Variants in MEDAG observed in about 807,000 individuals in gnomAD.
MEDAG encodes mesenteric estrogen dependent adipogenesis.
Under a neutral mutation model 29.9 loss-of-function variants are expected in MEDAG, and 25 were observed. The ratio of observed to expected loss-of-function variants is 0.84; its 90% CI spans 0.61 to 1.17. The LOEUF (loss-of-function observed/expected upper bound fraction) is 1.17. Among genes scored for constraint, MEDAG ranks in the 50% most tolerant of loss-of-function variants. The pLI is 0.00. For synonymous variants in MEDAG, 158 were observed against 148.2 expected, an observed-to-expected ratio of 1.07 and a Z score of -0.48; for missense variants, 398 against 372.9, an observed-to-expected ratio of 1.07 and a Z score of -0.56.
chr13:30,923,786 C>T (rs1953013015), intron 4 of MEDAG, among the ~76,000 whole-genome samples: 1 of 152,196 alleles, frequency 6.6e-6, no homozygotes, highest in African/African-American at 2.4e-5. Flanking sequence ...CACTGAGGAA[C>T]ATTTGAAGTT....
chr13:30,918,588 C>T (rs745831308), intron 2 of MEDAG, among the ~76,000 whole-genome samples: 3 of 152,180 alleles, frequency 2.0e-5, no homozygotes, highest in South Asian at 2.1e-4. Context: ...TTTTGCCTTC[C>T]TCCTCCTGCT....
intron 4 of MEDAG, 64 bp downstream of exon 4, chr13:30,921,910 GGAA>G (rs1487673424): frequency 6.1e-6 from 9 of 1,478,346 alleles, no homozygotes; most frequent in Non-Finnish European, 8.2e-6. Flanking sequence ...GTAAAATAAT[GGAA>G]GAGAGTCAAT....
At chr13:30,910,885 C>T (rs1422111694) in intron 1 of MEDAG, among the ~76,000 whole-genome samples, 1 of 152,222 alleles carries the variant, frequency 6.6e-6, no homozygotes, top group East Asian at 1.9e-4. Context: ...CTGGCCCAGG[C>T]CCAGTTCTCA....
In MEDAG at chr13:30,917,475, C is replaced by A. The variant is rs755243659; in HGVS notation, c.351C>A (p.Phe117Leu). ...RETILSKPML[F>L]FINVQTKKDT... is the part of the protein sequence containing the mutation. Reference sequence around the variant, plus strand: ...CTATATTGAGCAAACCAATGTTGTTCTTTATTAATGTACAGACCAAAAAAG... The same window carrying A: ...CTATATTGAGCAAACCAATGTTGTTATTTATTAATGTACAGACCAAAAAAG... The change falls in exon 2 of 5, where the codon TTC becomes TTA. Residue 117 changes from phenylalanine (F) to leucine (L), a missense_variant. By Grantham distance (22) the Phe-to-Leu change is conservative. Transcript: ENST00000380482. The A allele has an allele frequency of 1.2e-6, 2 of 1,610,512 alleles. No homozygotes were observed. The highest frequency in any genetic ancestry group is 2.2e-5 in the East Asian group (1 of 44,870).
At chr13:30,918,076 G>A (rs1206386620) in intron 2 of MEDAG, among the ~76,000 whole-genome samples, 1 of 152,068 alleles carries the variant, frequency 6.6e-6, no homozygotes, top group African/African-American at 2.4e-5. Context: ...ATGATCCTAG[G>A]GCAGAAGCCA....
At chr13:30,923,728 C>T (rs1953012430) in intron 4 of MEDAG, among the ~76,000 whole-genome samples, 1 of 152,206 alleles carries the variant, frequency 6.6e-6, no homozygotes, top group Non-Finnish European at 1.5e-5. Context: ...CACCATGGCT[C>T]ACCCTCTGTC....
intron 1 of MEDAG, among the ~76,000 whole-genome samples, chr13:30,908,194 A>G (rs1190559241): frequency 1.3e-5 from 2 of 152,224 alleles, no homozygotes; most frequent in Admixed American, 6.5e-5. Context: ...TTTGCTTTGA[A>G]CACCTCCTAC....
At chr13:30,911,681 A>C (rs1312453015) in intron 1 of MEDAG, among the ~76,000 whole-genome samples, 1 of 152,174 alleles carries the variant, frequency 6.6e-6, no homozygotes, top group Non-Finnish European at 1.5e-5. Flanking sequence ...TGGAGCCTGG[A>C]CACGTGAATA....
At chr13:30,917,870 A>G (rs139007786) in intron 2 of MEDAG, among the ~76,000 whole-genome samples, 17 of 152,324 alleles carry the variant, frequency 1.1e-4, no homozygotes, top group African/African-American at 3.8e-4. Context: ...GTTTGACATG[A>G]GATTTGGGCA....
intron 1 of MEDAG, among the ~76,000 whole-genome samples, chr13:30,910,967 A>G (rs1377344519): frequency 2.6e-5 from 4 of 152,260 alleles, no homozygotes; most frequent in African/African-American, 9.6e-5. Flanking sequence ...TTAGGACAGC[A>G]GCCCCTTAGC....
At chr13:30,910,940 T>C (rs1383463255) in intron 1 of MEDAG, among the ~76,000 whole-genome samples, 1 of 152,226 alleles carries the variant, frequency 6.6e-6, no homozygotes, top group Non-Finnish European at 1.5e-5. Context: ...GATGTGGTCT[T>C]AGATGTAGCA....
chr13:30,917,591 T>C (rs1217044467), intron 2 of MEDAG, 79 bp downstream of exon 2: 4 of 815,274 alleles, frequency 4.9e-6, no homozygotes, highest in African/African-American at 1.7e-5. Context: ...GAAAAGAGGT[T>C]TAATTGGCTC....
intron 1 of MEDAG, among the ~76,000 whole-genome samples, chr13:30,914,458 C>G (rs1188300554): frequency 6.6e-6 from 1 of 152,122 alleles, no homozygotes. Context: ...AGGTTTACAG[C>G]CTGGTTAAGG....
At chr13:30,912,506 AACAC>A (rs67281071) in intron 1 of MEDAG, among the ~76,000 whole-genome samples, 13 of 150,562 alleles carry the variant, frequency 8.6e-5, no homozygotes, top group Non-Finnish European at 1.2e-4. Flanking sequence ...TTTTTTAATG[AACAC>A]ACACACACAC....
At position 30,906,574 on chromosome 13, in the gene MEDAG, G is replaced by A. The variant is rs1231006195; in HGVS notation, c.59G>A (p.Gly20Glu). 4 of 1,583,468 alleles carry A rather than the reference G, an allele frequency of 2.5e-6. No individual in the cohort carries two copies. The highest frequency in any genetic ancestry group is 3.4e-6 in the Non-Finnish European group (4 of 1,173,932). ...ARPSLTSISS[G>E]ELRSLWTCDC... is the part of the protein sequence containing the mutation. ...CCGAGCCTGACCTCCATCTCGTCTG[G>A]GGAGCTTCGCAGCCTGTGGACCTGC... The change falls in exon 1 of 5, where the codon GGG becomes GAG. Residue 20 changes from glycine (G) to glutamate (E), a missense_variant. By Grantham distance (98) the Gly-to-Glu change is moderately conservative. Transcript: ENST00000380482.
rs544193793 is a variant in MEDAG, at chr13:30,906,499, G to C, written c.-17G>C. On this transcript the variant is annotated 5_prime_UTR_variant, in exon 1 of 5. Transcript: ENST00000380482. The stretch of plus-strand genomic sequence containing the variant: ...CACCGGACGGAAGCAGGCGGTGTGA[G>C]GACCGACGACGCGGGCATGGCGGGG... 2.8e-4 allele frequency: 418 copies of C among 1,499,058 alleles called. 6 individuals are homozygous for C. In the South Asian group the frequency reaches 5.2e-3, roughly 19 times the overall value. The allele number at this position is 1,499,058 out of a possible 1,614,324, so 92.9% of individuals were successfully genotyped here.
At position 30,906,558 on chromosome 13, in the gene MEDAG, A is replaced by G; in HGVS notation, c.43A>G (p.Thr15Ala). Residue 15 changes from threonine (T) to alanine (A), a missense_variant, in exon 1 of 5, where the codon ACC (threonine) becomes GCC (alanine). By Grantham distance (58) the Thr-to-Ala change is moderately conservative (BLOSUM62 0). Coordinates refer to ENST00000380482, the MANE Select transcript of MEDAG (RefSeq NM_032849.4). ...CGAGCCGGTGGCCAGGCCGAGCCTG[A>G]CCTCCATCTCGTCTGGGGAGCTTCG... The part of the protein sequence containing the change: ...ACEPVARPSL[T>A]SISSGELRSL... 1.3e-6 allele frequency: 2 copies of G among 1,567,996 alleles called. No individual in the cohort carries two copies.
chr13:30,920,040 A>G (rs547504839), intron 2 of MEDAG, among the ~76,000 whole-genome samples: 2 of 152,320 alleles, frequency 1.3e-5, no homozygotes, highest in East Asian at 3.9e-4. Flanking sequence ...TTAAACAATG[A>G]GAAGGAGATG....
chr13:30,921,593 C>A lies in MEDAG; in HGVS notation c.534C>A (p.Phe178Leu). 1 of 1,606,498 alleles carries A rather than the reference C, an allele frequency of 6.2e-7. No homozygotes were observed. The highest frequency in any genetic ancestry group is 8.5e-7 in the Non-Finnish European group (1 of 1,177,942). The change falls in exon 4 of 5, where the codon TTC becomes TTA. Residue 178 changes from phenylalanine (F) to leucine (L), a missense_variant. Transcript: ENST00000380482. Reference protein sequence around the residue: ...FDFQEAVKNFFPPGNEVVNGE... With the variant: ...FDFQEAVKNFLPPGNEVVNGE... ...TTCAAGAGGCAGTGAAGAATTTCTT[C>A]CCCCCAGGAAATGAAGTGGTTAATG... is the stretch of plus-strand genomic sequence containing the variant.
Sources: gnomAD v4.1 joint callset for allele counts (sites outside exome capture counted in the v4.1 genomes callset) on GRCh38, gnomAD v4.1.1 for gene constraint, MANE v1.5 for transcripts, NCBI Gene and HGNC (gene_info 2026-07-23, HGNC 2026-07-21) for gene names.